The following LAMB3 variants were observed in gnomAD, a reference collection of about 807,000 sequenced individuals.
The protein encoded by LAMB3 is laminin subunit beta 3, also known as laminin subunit beta-3.
Under a neutral mutation model 140.3 loss-of-function variants are expected in LAMB3, and 104 were observed. The observed-to-expected ratio is 0.74, with a 90% CI of 0.63 to 0.87. The LOEUF (loss-of-function observed/expected upper bound fraction) is 0.87, where lower values mean the gene tolerates loss of function less well. LAMB3 is among the 40% of genes least tolerant of loss of function. The pLI, the probability that LAMB3 is intolerant of heterozygous loss-of-function variation, is 0.00. For missense variants in LAMB3, 1,531 were observed against 1,575.2 expected (o/e 0.97, Z 0.47); for synonymous variants, 592 against 602.9 (o/e 0.98, Z 0.26).
chr1:209,631,870 TC>T (rs1311751688), intron 8 of LAMB3, among the ~76,000 whole-genome samples: 13 of 152,292 alleles, frequency 8.5e-5, no homozygotes, highest in Admixed American at 1.3e-4. Context: ...CACCTCTATT[TC>T]CCACTCAGGC....
chr1:209,630,790 A>G, intron 8 of LAMB3, 55 bp from the exon 9 acceptor site: 1 of 1,599,050 alleles, frequency 6.3e-7, no homozygotes. Flanking sequence ...GGCACCAGGG[A>G]TGGACCTGCC....
chr1:209,623,130 C>G lies in LAMB3; in HGVS notation c.2408G>C (p.Gly803Ala), dbSNP rs1666269950. 1 of 1,614,222 alleles carries G rather than the reference C, an allele frequency of 6.2e-7. No individual in the cohort carries two copies. Among genetic ancestry groups the G allele is most frequent in the African/African-American group, 1.3e-5 (1 of 75,050 alleles). The part of the protein sequence containing the change: ...QMACTPISCP[G>A]ELCPQDNGTA... The stretch of plus-strand genomic sequence containing the variant: ...GCCATTGTCTTGGGGACATAGCTCA[C>G]CAGGGCATGATATTGGGGTGCAAGC... The change falls in exon 17 of 23, where the codon GGT (glycine) becomes GCT (alanine). Residue 803 changes from glycine to alanine, a missense_variant. Physicochemically the swap from Gly to Ala is moderately conservative, Grantham distance 60 (BLOSUM62 0). Transcript: ENST00000356082. This position sits in a 1 kb window ranked among gnomAD's most constrained non-coding sequence, Gnocchi z 4.2.
At chr1:209,651,128 T>C (rs1321293195) in intron 1 of LAMB3, 147 bp from the exon 2 acceptor site, 2 of 676,822 alleles carry the variant, frequency 3.0e-6, no homozygotes, top group South Asian at 3.2e-5. Context: ...GCAGATACAT[T>C]TGTAGCTTGG....
At chr1:209,651,543 G>T (rs982815830) in intron 1 of LAMB3, 1 of 158,316 alleles carries the variant, frequency 6.3e-6, no homozygotes, top group African/African-American at 2.4e-5. Flanking sequence ...CCACAATTCT[G>T]GGATGCAACA....
Position 209,625,709 on chromosome 1 carries a change from T to C in LAMB3, c.1915A>G (p.Ser639Gly). 1.2e-6 allele frequency: 2 copies of C among 1,614,052 alleles called. No homozygotes were observed. Among genetic ancestry groups the C allele is most frequent in the Non-Finnish European group, 1.7e-6 (2 of 1,180,000 alleles). ...SKIEQIRAVL[S>G]SPAVTEQEVA... ...TCCTGCTCTGTGACTGCGGGGCTGC[T>C]GAGAACTGCTCGGATCTGCTCAATC... Residue 639 changes from serine to glycine, a missense_variant, in exon 14 of 23, where the codon AGC (serine) becomes GGC (glycine). By Grantham distance (56) the Ser-to-Gly change is moderately conservative. Transcript: ENST00000356082.
intron 21 of LAMB3, 34 bp downstream of exon 21, chr1:209,617,376 G>A (rs368525177): frequency 4.2e-5 from 67 of 1,606,054 alleles, no homozygotes; most frequent in African/African-American, 3.1e-4. Flanking sequence ...CTCACTGGCC[G>A]TACATCATTG....
chr1:209,635,472 G>A (rs1666865375), intron 5 of LAMB3, among the ~76,000 whole-genome samples: 2 of 152,142 alleles, frequency 1.3e-5, no homozygotes, highest in South Asian at 4.2e-4. Flanking sequence ...GTACGATCTT[G>A]GCTCACTGCA....
At position 209,625,889 on chromosome 1, in the gene LAMB3, C is replaced by T. The variant is rs779392542; in HGVS notation, c.1735G>A (p.Val579Met). ...RGYCNRYPVC[V>M]ACHPCFQTYD... ...GTCTGGAAGCAAGGGTGGCAGGCCA[C>T]GCACACCGGGTAGCGATTACAGTAG... is the stretch of plus-strand genomic sequence containing the variant. The change falls in exon 14 of 23, where the codon GTG becomes ATG. Residue 579 changes from valine (V) to methionine (M), a missense_variant. Transcript: ENST00000356082. 20 of 1,613,788 alleles carry T rather than the reference C, an allele frequency of 1.2e-5. No individual in the cohort carries two copies. The Admixed American group carries it at 2.0e-4, about 16-fold the overall frequency.
At chr1:209,641,937 A>G (rs2076472433) in intron 3 of LAMB3, among the ~76,000 whole-genome samples, 1 of 152,158 alleles carries the variant, frequency 6.6e-6, no homozygotes, top group African/African-American at 2.4e-5. Context: ...GAGGAGAGAC[A>G]AGGGCCAGCT....
intron 1 of LAMB3, chr1:209,651,317 C>T (rs1463036663): frequency 3.2e-6 from 1 of 308,044 alleles, no homozygotes; most frequent in Admixed American, 4.0e-5. Context: ...AAAGGCTGGA[C>T]CCTTTGCAGG....
intron 3 of LAMB3, among the ~76,000 whole-genome samples, chr1:209,644,414 T>A (rs938721696): frequency 6.6e-6 from 1 of 152,180 alleles, no homozygotes; most frequent in Non-Finnish European, 1.5e-5. Context: ...TGTACATATA[T>A]TATCTTATTC....
At chr1:209,626,713 C>T (rs1440029591) in intron 13 of LAMB3, among the ~76,000 whole-genome samples, 154 bp downstream of exon 13, 2 of 152,216 alleles carry the variant, frequency 1.3e-5, no homozygotes, top group Non-Finnish European at 2.9e-5. Flanking sequence ...GCCAACAGGC[C>T]GGAGTGTGTG....
chr1:209,634,662 A>C (rs1558161143), intron 5 of LAMB3, 24 bp from the exon 6 acceptor site: 10 of 1,596,246 alleles, frequency 6.3e-6, no homozygotes, highest in Non-Finnish European at 8.6e-6. Flanking sequence ...GGCAGTGTGC[A>C]GAGGGGAGGC....
chr1:209,632,962 C>T, intron 7 of LAMB3, 108 bp downstream of exon 7: 1 of 1,084,568 alleles, frequency 9.2e-7, no homozygotes, highest in Non-Finnish European at 1.4e-6. Context: ...AAATCCCCAA[C>T]CACGTTGACA....
At chr1:209,625,606 G>T in intron 14 of LAMB3, 42 bp downstream of exon 14, 1 of 1,612,818 alleles carries the variant, frequency 6.2e-7, no homozygotes, top group South Asian at 1.1e-5. Flanking sequence ...GGAACCCCTG[G>T]AGCATAATTC....
At chr1:209,636,428 G>C (rs971161592) in intron 5 of LAMB3, among the ~76,000 whole-genome samples, 4 of 152,168 alleles carry the variant, frequency 2.6e-5, no homozygotes, top group Non-Finnish European at 2.9e-5. Context: ...AGTAAACCAG[G>C]CTGTAGCCCC....
chr1:209,640,439 T>A (rs2076457982), intron 3 of LAMB3, among the ~76,000 whole-genome samples: 1 of 151,700 alleles, frequency 6.6e-6, no homozygotes, highest in East Asian at 2.0e-4. Context: ...TCCCAGCTAC[T>A]CGGGAGGCTG....
intron 10 of LAMB3, among the ~76,000 whole-genome samples, chr1:209,628,680 G>A (rs761904053): frequency 5.6e-5 from 8 of 142,762 alleles, no homozygotes; most frequent in Non-Finnish European, 8.9e-5. Context: ...TGGGCAACAA[G>A]AGCGAAACCA....
intron 2 of LAMB3, 134 bp from the exon 3 acceptor site, chr1:209,650,252 G>A (rs548488929): frequency 9.1e-6 from 8 of 882,108 alleles, no homozygotes; most frequent in Non-Finnish European, 1.5e-5. Flanking sequence ...CTCGCTGCTG[G>A]CAGTAATAAT....
Sources: allele counts gnomAD v4.1 joint callset (sites outside exome capture counted in the v4.1 genomes callset), GRCh38; gene constraint gnomAD v4.1.1; non-coding constraint Gnocchi (gnomAD v3.1); transcripts MANE v1.5; gene names NCBI Gene and HGNC (gene_info 2026-07-23, HGNC 2026-07-21).